The following ADAMTS17 variants were observed in gnomAD, a reference collection of about 807,000 sequenced individuals.
ADAMTS17 encodes ADAM metallopeptidase with thrombospondin type 1 motif 17, also known as A disintegrin and metalloproteinase with thrombospondin motifs 17.
Under a neutral mutation model 141.5 loss-of-function variants are expected in ADAMTS17, and 113 were observed. The observed-to-expected ratio is 0.80, with a 90% confidence interval of 0.69 to 0.93. The LOEUF (loss-of-function observed/expected upper bound fraction) is 0.93, where lower values mean the gene tolerates loss of function less well. ADAMTS17 is among the 40% of genes least tolerant of loss of function. The pLI is 0.00. For missense variants in ADAMTS17, 1,659 were observed against 1,517.9 expected (o/e 1.09, Z -1.54); for synonymous variants, 768 against 630.6 (o/e 1.22, Z -3.27).
intron 20 of ADAMTS17, among the ~76,000 whole-genome samples, chr15:99,985,827 C>T (rs933904334): frequency 4.6e-5 from 7 of 152,160 alleles, no homozygotes; most frequent in South Asian, 2.1e-4. Context: ...TCTAAAGCAA[C>T]GGCAAATGTC....
chr15:100,205,743 G>C (rs2041520085), intron 7 of ADAMTS17, among the ~76,000 whole-genome samples: 1 of 152,204 alleles, frequency 6.6e-6, no homozygotes, highest in African/African-American at 2.4e-5. Context: ...CCTTGCGCCG[G>C]GCAGAGTCTA....
chr15:100,326,614 G>A (rs2045909128), intron 3 of ADAMTS17, among the ~76,000 whole-genome samples: 2 of 152,196 alleles, frequency 1.3e-5, no homozygotes, highest in South Asian at 4.1e-4. Flanking sequence ...AGTGTGTGAT[G>A]GCTGGCAAAA....
intron 8 of ADAMTS17, among the ~76,000 whole-genome samples, chr15:100,163,056 GTA>G (rs1422055338): frequency 6.9e-6 from 1 of 145,510 alleles, no homozygotes; most frequent in African/African-American, 2.5e-5. Context: ...AACTATATAT[GTA>G]TATATATGTG....
intron 7 of ADAMTS17, among the ~76,000 whole-genome samples, chr15:100,238,572 G>T (rs34905538): frequency 6.6e-6 from 1 of 152,186 alleles, no homozygotes; most frequent in African/African-American, 2.4e-5. Context: ...CAGGGTAAAA[G>T]CAACGATGGG....
At chr15:100,105,408 T>C (rs968492099) in intron 14 of ADAMTS17, among the ~76,000 whole-genome samples, 1 of 152,140 alleles carries the variant, frequency 6.6e-6, no homozygotes, top group African/African-American at 2.4e-5. Flanking sequence ...ATGACAATGG[T>C]GGAGGCACTG....
intron 20 of ADAMTS17, among the ~76,000 whole-genome samples, chr15:99,988,750 G>A (rs990375921): frequency 2.0e-5 from 3 of 152,146 alleles, no homozygotes; most frequent in South Asian, 2.1e-4. Context: ...AGGCATTCCC[G>A]GAAGGCTGAA....
chr15:100,314,704 G>C (rs2045507130), intron 3 of ADAMTS17, among the ~76,000 whole-genome samples: 1 of 152,204 alleles, frequency 6.6e-6, no homozygotes, highest in African/African-American at 2.4e-5. Context: ...AAACTGGTGA[G>C]AACATGGACA....
intron 15 of ADAMTS17, among the ~76,000 whole-genome samples, chr15:100,095,379 T>C (rs1447336795): frequency 6.6e-6 from 1 of 152,176 alleles, no homozygotes; most frequent in Non-Finnish European, 1.5e-5. Flanking sequence ...GGAACGTTTC[T>C]TCCAGACCAG....
chr15:100,056,653 G>A (rs1481769000), intron 15 of ADAMTS17, among the ~76,000 whole-genome samples: 1 of 152,178 alleles, frequency 6.6e-6, no homozygotes, highest in Non-Finnish European at 1.5e-5. Context: ...CTCACCTGCT[G>A]CTGTGCAGCC....
At chr15:100,272,060 A>C (rs2043932599) in intron 4 of ADAMTS17, among the ~76,000 whole-genome samples, 1 of 152,110 alleles carries the variant, frequency 6.6e-6, no homozygotes, top group Non-Finnish European at 1.5e-5. Context: ...ACTTCATTTT[A>C]CTGATCTTTG....
intron 7 of ADAMTS17, among the ~76,000 whole-genome samples, chr15:100,233,323 T>C (rs1326675061): frequency 1.5e-5 from 2 of 132,790 alleles, no homozygotes; most frequent in African/African-American, 3.1e-5. Context: ...AGAGTGAAAC[T>C]CCATCTCAAA....
chr15:100,331,456 G>C (rs925991994), intron 2 of ADAMTS17, among the ~76,000 whole-genome samples: 1 of 152,166 alleles, frequency 6.6e-6, no homozygotes, highest in Admixed American at 6.5e-5. Context: ...ATGGAAAAAT[G>C]TATCTTATCC....
chr15:100,089,037 T>C (rs1346905149), intron 15 of ADAMTS17, among the ~76,000 whole-genome samples: 3 of 151,524 alleles, frequency 2.0e-5, no homozygotes, highest in East Asian at 4.0e-4. Context: ...GAAACTACCA[T>C]CAGAGTGAAC....
intron 14 of ADAMTS17, among the ~76,000 whole-genome samples, chr15:100,108,330 C>A (rs146059245): frequency 5.3e-5 from 8 of 152,136 alleles, no homozygotes; most frequent in Non-Finnish European, 1.0e-4. Context: ...TGCCACCATG[C>A]CCGGCTAATT....
At chr15:100,214,286 T>C (rs1038893789) in intron 7 of ADAMTS17, among the ~76,000 whole-genome samples, 1 of 152,218 alleles carries the variant, frequency 6.6e-6, no homozygotes, top group South Asian at 2.1e-4. Context: ...TTCTACCTTA[T>C]GCTCATCGCA....
chr15:100,239,702 G>A lies in ADAMTS17; in HGVS notation c.1075+14434C>T, dbSNP rs150622432. Among the ~76,000 whole-genome samples the A allele has an allele frequency of 8.5e-5, 13 of 152,294 alleles. No homozygotes were observed. The Middle Eastern group carries it at 0.014, about 159-fold the overall frequency. ...CTCCCCTAGCTGCCTGGTGCTACTG[G>A]AGCACAGTCCAGGGCACTTCAGAGA... is the stretch of plus-strand genomic sequence containing the variant. On this transcript the variant is annotated intron_variant, in intron 7 of 21. Transcript: ENST00000268070.
chr15:100,040,812 A>C (rs1418298567), intron 18 of ADAMTS17, among the ~76,000 whole-genome samples: 1 of 152,226 alleles, frequency 6.6e-6, no homozygotes, highest in Admixed American at 6.5e-5. Flanking sequence ...AATTTGTGTC[A>C]GAAAAAGTTC....
chr15:100,118,571 G>A (rs533861563), intron 12 of ADAMTS17, among the ~76,000 whole-genome samples: 4 of 152,214 alleles, frequency 2.6e-5, no homozygotes, highest in Non-Finnish European at 5.9e-5. Context: ...TTCCTGTCTA[G>A]AAGGCAAGGG....
At chr15:100,237,697 C>T (rs1176226181) in intron 7 of ADAMTS17, among the ~76,000 whole-genome samples, 1 of 152,202 alleles carries the variant, frequency 6.6e-6, no homozygotes, top group Non-Finnish European at 1.5e-5. Context: ...AATCTCAGCT[C>T]AGTGCAACCT....
Sources: gnomAD v4.1 joint callset for allele counts (sites outside exome capture counted in the v4.1 genomes callset) on GRCh38, gnomAD v4.1.1 for gene constraint, MANE v1.5 for transcripts, NCBI Gene and HGNC (gene_info 2026-07-23, HGNC 2026-07-21) for gene names.